Variants in USB1 observed in about 807,000 individuals in gnomAD.
The protein encoded by USB1 is U6 snRNA biogenesis phosphodiesterase 1.
In USB1, 21 loss-of-function variants were observed where a neutral mutation model predicts 29.9. The ratio of observed to expected loss-of-function variants is 0.70; its 90% confidence interval spans 0.50 to 1.01. USB1 has a LOEUF of 1.01. USB1 is among the 50% of genes least tolerant of loss of function. The pLI, the probability that USB1 is intolerant of heterozygous loss-of-function variation, is 0.00. For synonymous variants in USB1, 143 were observed against 134.9 expected, an observed-to-expected ratio of 1.06 and a Z score of -0.42; for missense variants, 330 against 347.1, an observed-to-expected ratio of 0.95 and a Z score of 0.39.
At position 58,013,132 on chromosome 16, in the gene USB1, G is replaced by C. The variant is rs999975286; in HGVS notation, c.450-1141G>C. The C allele has an allele frequency of 1.0e-6, 1 of 985,546 alleles. No individual in the cohort carries two copies. Among genetic ancestry groups the C allele is most frequent in the Non-Finnish European group, 1.2e-6 (1 of 830,028 alleles). The allele number at this position is 985,546 out of a possible 1,614,324, so 61.1% of individuals were successfully genotyped here. On this transcript the variant is annotated intron_variant, in intron 3 of 6. Coordinates refer to ENST00000219281, the MANE Select transcript of USB1 (RefSeq NM_024598.4). This position sits in a 1 kb window ranked among gnomAD's most constrained non-coding sequence, Gnocchi z 4.3. ...CACCCCTGATTCTGTTGCTGTGACT[G>C]AGGAAATGCTAAGCTCTGTTTGGCC...
At chr16:58,000,627 C>G (rs1963154501), upstream of USB1, among the ~76,000 whole-genome samples, 1 of 149,004 alleles carries the variant, frequency 6.7e-6, no homozygotes, top group Non-Finnish European at 1.5e-5. The surrounding 1 kb of genome is among the most constrained non-coding windows in gnomAD (Gnocchi z 4.5). Flanking sequence ...GGGCGAGGAG[C>G]GCCGGGAGGG....
At chr16:58,014,370 T>C (rs755115475) in intron 4 of USB1, 44 bp downstream of exon 4, 6 of 1,560,350 alleles carry the variant, frequency 3.8e-6, no homozygotes, top group Non-Finnish European at 8.8e-7. Context: ...GAAGATTCTT[T>C]GGTGCAAAAA....
chr16:58,017,157 CAG>C (rs1963634696), intron 4 of USB1, 175 bp from the exon 5 acceptor site: 1 of 653,452 alleles, frequency 1.5e-6, no homozygotes, highest in South Asian at 1.7e-5. Flanking sequence ...GATTTACAGA[CAG>C]AGAATCTGAG....
At chr16:58,012,230 T>A in intron 3 of USB1, 2 of 1,525,900 alleles carry the variant, frequency 1.3e-6, no homozygotes, top group East Asian at 4.9e-5. Context: ...GGGCTGAAAC[T>A]CATCTCTCAA....
intron 2 of USB1, among the ~76,000 whole-genome samples, chr16:58,004,847 C>G (rs1208162796): frequency 6.6e-6 from 1 of 152,166 alleles, no homozygotes; most frequent in African/African-American, 2.4e-5. Context: ...AGAGAAAAGA[C>G]AGCTGGGCCC....
intron 5 of USB1, among the ~76,000 whole-genome samples, chr16:58,018,097 A>G (rs888302642): frequency 9.2e-5 from 14 of 152,196 alleles, no homozygotes; most frequent in Admixed American, 8.5e-4. Flanking sequence ...CTCTGTGAAT[A>G]CGACTGTCTT....
At chr16:58,009,347 A>C (rs778521312) in intron 2 of USB1, among the ~76,000 whole-genome samples, 5 of 152,188 alleles carry the variant, frequency 3.3e-5, no homozygotes, top group Non-Finnish European at 5.9e-5. Context: ...CACTTCCCCT[A>C]GGTCAGTTAA....
At chr16:58,008,649 C>T (rs765258462) in intron 2 of USB1, among the ~76,000 whole-genome samples, 14 of 151,978 alleles carry the variant, frequency 9.2e-5, no homozygotes, top group Non-Finnish European at 1.9e-4. Flanking sequence ...GACGGGGTGT[C>T]ACCATATTGG....
chr16:58,020,528 T>G lies in USB1; in HGVS notation c.*283T>G. On this transcript the variant is annotated 3_prime_UTR_variant, in exon 7 of 7. Transcript: ENST00000219281. ...TCTTCCTCTCCTCTCTCTCTTCCTC[T>G]TCTCTCTCTTCCCCTCCTGTCTCTC... 1 of 453,834 alleles carries G rather than the reference T, an allele frequency of 2.2e-6. No individual in the cohort carries two copies. The allele number at this position is 453,834 out of a possible 1,614,324, so 28.1% of individuals were successfully genotyped here.
upstream of USB1, chr16:57,999,604 A>C (rs1313371491): frequency 6.6e-6 from 1 of 152,280 alleles, no homozygotes; most frequent in Non-Finnish European, 1.5e-5. Flanking sequence ...AAAGTTTGTA[A>C]GTTTTCTCCT....
Position 58,010,065 on chromosome 16 carries a change from C to A in USB1, c.402C>A (p.Ile134=). The change falls in exon 3 of 7, where the codon ATC becomes ATA. Residue 134 remains isoleucine (I), a synonymous_variant. Coordinates refer to ENST00000219281, the MANE Select transcript of USB1 (RefSeq NM_024598.4). ...GTGTGGTTCTGCGCCACCACTGGAT[C>A]CTCCCCTTCGTGCAGGCTCTGAAAG... The part of the protein sequence containing the change: ...SQSVVLRHHW[I]LPFVQALKAR... 1 of 1,614,122 alleles carries A rather than the reference C, an allele frequency of 6.2e-7. No individual in the cohort carries two copies. The highest frequency in any genetic ancestry group is 8.5e-7 in the Non-Finnish European group (1 of 1,180,028).
chr16:58,008,680 T>G (rs1963420087), intron 2 of USB1, among the ~76,000 whole-genome samples: 1 of 152,132 alleles, frequency 6.6e-6, no homozygotes, highest in East Asian at 1.9e-4. Context: ...CTCGAACTCC[T>G]GACCTCCAGT....
At chr16:58,012,085 T>C (rs758011886) in intron 3 of USB1, 116 of 1,372,392 alleles carry the variant, frequency 8.5e-5, no homozygotes, top group East Asian at 3.5e-4. Context: ...ATTCCCACAG[T>C]TCAGGGGGCC....
upstream of USB1, among the ~76,000 whole-genome samples, chr16:58,000,206 G>C (rs1311161676): frequency 6.6e-6 from 1 of 152,240 alleles, no homozygotes; most frequent in Non-Finnish European, 1.5e-5. This position sits in a 1 kb window ranked among gnomAD's most constrained non-coding sequence, Gnocchi z 4.5. Context: ...GGCCGGGCTG[G>C]AGAAAGGCCC....
At chr16:58,009,250 T>G (rs1245644008) in intron 2 of USB1, among the ~76,000 whole-genome samples, 1 of 152,194 alleles carries the variant, frequency 6.6e-6, no homozygotes, top group Non-Finnish European at 1.5e-5. Flanking sequence ...CCGGTTCCTC[T>G]GGACTGGGAA....
intron 3 of USB1, chr16:58,011,222 C>A: frequency 6.7e-7 from 1 of 1,487,682 alleles, no homozygotes; most frequent in South Asian, 1.3e-5. Context: ...GAGACCAACA[C>A]ATATGTTATC....
At position 58,011,739 on chromosome 16, in the gene USB1, C is replaced by T. The variant is rs1249069299; in HGVS notation, c.449+1627C>T. On this transcript the variant is annotated intron_variant, in intron 3 of 6. Coordinates refer to ENST00000219281, the MANE Select transcript of USB1 (RefSeq NM_024598.4). The stretch of plus-strand genomic sequence containing the variant: ...CATTTCACTCACCCTCATATGCAGT[C>T]GTTCCTGTGTCCATCTTCCTTCCTG... 32 of 987,454 alleles carry T rather than the reference C, an allele frequency of 3.2e-5. No homozygotes were observed. The Admixed American group carries it at 3.6e-4, about 11-fold the overall frequency. 61.2% of individuals were successfully genotyped at this position (987,454 alleles called of 1,614,324 possible). A position where few individuals can be genotyped will look rare whatever the true frequency, so the allele number is the denominator to read the frequency against.
chr16:58,007,414 C>T (rs891345339), intron 2 of USB1, among the ~76,000 whole-genome samples: 1 of 152,234 alleles, frequency 6.6e-6, no homozygotes. Context: ...CAGAGTCTCA[C>T]TCTGTTGCCC....
chr16:58,013,305 G>T lies in USB1; in HGVS notation c.450-968G>T. ...ACCTTGAGAACTCTTCCTAAAAGCT[G>T]CACTTAACCAAGCTCCTGGTGGTTC... On this transcript the variant is annotated intron_variant, in intron 3 of 6. Coordinates refer to ENST00000219281, the MANE Select transcript of USB1 (RefSeq NM_024598.4). The surrounding 1 kb of genome is among the most constrained non-coding windows in gnomAD (Gnocchi z 4.3). The T allele has an allele frequency of 1.0e-6, 1 of 985,438 alleles. No individual in the cohort carries two copies. Among genetic ancestry groups the T allele is most frequent in the Non-Finnish European group, 1.2e-6 (1 of 829,952 alleles). The allele number at this position is 985,438 out of a possible 1,614,324, so 61.0% of individuals were successfully genotyped here. A position where few individuals can be genotyped will look rare whatever the true frequency, so the allele number is the denominator to read the frequency against.
Sources: allele counts gnomAD v4.1 joint callset (sites outside exome capture counted in the v4.1 genomes callset), GRCh38; gene constraint gnomAD v4.1.1; non-coding constraint Gnocchi (gnomAD v3.1); transcripts MANE v1.5; gene names NCBI Gene and HGNC (gene_info 2026-07-23, HGNC 2026-07-21).